Variants in MBTD1 observed in about 807,000 individuals in gnomAD.
MBTD1 encodes MBT domain-containing protein 1.
In MBTD1, 24 loss-of-function variants were observed where a neutral mutation model predicts 87.8. The ratio of observed to expected loss-of-function variants is 0.27; its 90% CI spans 0.20 to 0.38. The LOEUF (loss-of-function observed/expected upper bound fraction) is 0.38, where lower values mean the gene tolerates loss of function less well. Among genes scored for constraint, MBTD1 ranks in the 10% least tolerant of loss-of-function variants. MBTD1 has a pLI of 1.00. For missense variants in MBTD1, 436 were observed against 760.2 expected (o/e 0.57, Z 5.02); for synonymous variants, 237 against 248.6 (o/e 0.95, Z 0.44).
intron 2 of MBTD1, among the ~76,000 whole-genome samples, chr17:51,257,939 A>G (rs547642013): frequency 6.6e-6 from 1 of 152,044 alleles, no homozygotes; most frequent in East Asian, 1.9e-4. Flanking sequence ...TTTGCAAGGT[A>G]CTCACAAGCA....
intron 2 of MBTD1, among the ~76,000 whole-genome samples, chr17:51,240,253 A>G (rs898862105): frequency 2.0e-5 from 3 of 152,194 alleles, no homozygotes; most frequent in African/African-American, 7.2e-5. Flanking sequence ...TGAACATGCT[A>G]CAATAAATGA....
intron 2 of MBTD1, among the ~76,000 whole-genome samples, chr17:51,231,086 T>C (rs1386829189): frequency 2.0e-5 from 3 of 152,100 alleles, no homozygotes; most frequent in Non-Finnish European, 2.9e-5. Context: ...TACAGGCGCC[T>C]GCCACCACGC....
chr17:51,235,139 T>A (rs2053761292), intron 2 of MBTD1, among the ~76,000 whole-genome samples: 1 of 58,354 alleles, frequency 1.7e-5, no homozygotes, highest in African/African-American at 3.7e-5. Context: ...TAGGATGCAA[T>A]TTTTTTTTTC....
intron 1 of MBTD1, 44 bp downstream of exon 1, chr17:51,259,791 C>A: frequency 2.4e-6 from 3 of 1,232,502 alleles, no homozygotes; most frequent in Non-Finnish European, 3.0e-6. Context: ...TGCAGGCGTC[C>A]CCCCCACCTG....
intron 2 of MBTD1, among the ~76,000 whole-genome samples, chr17:51,247,088 T>C (rs1407851101): frequency 3.3e-5 from 5 of 152,212 alleles, no homozygotes; most frequent in African/African-American, 1.2e-4. Context: ...TGTGCATATG[T>C]GTGTATTCAT....
chr17:51,256,832 C>T (rs868033515), intron 2 of MBTD1: 2 of 152,270 alleles, frequency 1.3e-5, no homozygotes, highest in Middle Eastern at 3.4e-3. Context: ...CTTCAACTGC[C>T]ATGAGAAAAT....
chr17:51,260,666 G>C (rs1206710919), upstream of MBTD1: 1 of 1,612,034 alleles, frequency 6.2e-7, no homozygotes, highest in East Asian at 2.2e-5. Context: ...AATGAGGCCG[G>C]ACTGGAAAGC....
intron 7 of MBTD1, among the ~76,000 whole-genome samples, chr17:51,205,610 C>T (rs1245963414): frequency 6.6e-6 from 1 of 152,014 alleles, no homozygotes; most frequent in African/African-American, 2.4e-5. Flanking sequence ...GCAAGAGTAA[C>T]CCAAGGCACA....
chr17:51,196,056 T>C (rs532434842), intron 12 of MBTD1, among the ~76,000 whole-genome samples: 42 of 152,124 alleles, frequency 2.8e-4, no homozygotes, highest in African/African-American at 7.5e-4. Flanking sequence ...TACAGGTGCA[T>C]GCCATCACAC....
Position 51,201,580 on chromosome 17 carries a change from C to T in MBTD1, c.1224+12G>A, listed in dbSNP as rs766610665. On this transcript the variant is annotated intron_variant, in intron 12 of 16. Coordinates refer to ENST00000586178, the MANE Select transcript of MBTD1 (RefSeq NM_017643.3). Reference sequence around the variant, plus strand: ...TAATTGCATTTCTATATTTTAAAACCTATTATCTTACCTTTCTAATGGTTG... The same window carrying T: ...TAATTGCATTTCTATATTTTAAAACTTATTATCTTACCTTTCTAATGGTTG... 3.3e-6 allele frequency: 5 copies of T among 1,525,646 alleles called. No individual in the cohort carries two copies. Among genetic ancestry groups the T allele is most frequent in the African/African-American group, 1.4e-5 (1 of 72,444 alleles). The allele number at this position is 1,525,646 out of a possible 1,614,324, so 94.5% of individuals were successfully genotyped here.
intron 2 of MBTD1, among the ~76,000 whole-genome samples, 197 bp from the exon 3 acceptor site, chr17:51,225,406 T>C (rs1327506441): frequency 1.3e-5 from 2 of 151,628 alleles, no homozygotes; most frequent in Non-Finnish European, 1.5e-5. Flanking sequence ...CAGGCTGGAG[T>C]GCAGTGACAA....
At chr17:51,210,412 G>A (rs2052112257) in intron 6 of MBTD1, among the ~76,000 whole-genome samples, 1 of 152,140 alleles carries the variant, frequency 6.6e-6, no homozygotes, top group Non-Finnish European at 1.5e-5. Context: ...GTAAGATTAA[G>A]GCTGAGATAA....
chr17:51,178,619 C>CT lies in MBTD1; in HGVS notation c.*1956dup, dbSNP rs1447058294. The CT allele has an allele frequency of 6.6e-6, 1 of 152,142 alleles. No homozygotes were observed. 9.4% of individuals were successfully genotyped at this position (152,142 alleles called of 1,614,324 possible). A position where few individuals can be genotyped will look rare whatever the true frequency, so the allele number is the denominator to read the frequency against. ...CCTGAGAATAAAGACTGCTCTAACC[C>CT]TTGCTTTGGAATACTTCTAGGCTTT... On this transcript the variant is annotated 3_prime_UTR_variant, in exon 17 of 17. Transcript: ENST00000586178.
chr17:51,193,412 TG>T lies in MBTD1; in HGVS notation c.1455+15del, dbSNP rs759324417. On this transcript the variant is annotated intron_variant, in intron 14 of 16. Coordinates refer to ENST00000586178, the MANE Select transcript of MBTD1 (RefSeq NM_017643.3). Reference sequence around the variant, plus strand: ...TTAATAAGTCCTCACATAATTATGCTGCCATTTAAATTTACCTTATTAAATA... The same window carrying T: ...TTAATAAGTCCTCACATAATTATGCTCCATTTAAATTTACCTTATTAAATA... The T allele has an allele frequency of 1.3e-6, 2 of 1,572,044 alleles. No individual in the cohort carries two copies. The highest frequency in any genetic ancestry group is 1.7e-6 in the Non-Finnish European group (2 of 1,145,044).
intron 12 of MBTD1, among the ~76,000 whole-genome samples, chr17:51,198,760 T>C (rs2051286000): frequency 6.6e-6 from 1 of 152,186 alleles, no homozygotes; most frequent in African/African-American, 2.4e-5. Flanking sequence ...TTGACTGTGA[T>C]TCCGGTCATG....
chr17:51,260,126 C>T, upstream of MBTD1: 1 of 370,574 alleles, frequency 2.7e-6, no homozygotes, highest in Non-Finnish European at 4.8e-6. Context: ...ATACCCTCCT[C>T]TCTCGCTTCC....
intron 12 of MBTD1, among the ~76,000 whole-genome samples, chr17:51,200,661 C>T (rs1056607154): frequency 4.0e-5 from 6 of 150,052 alleles, no homozygotes; most frequent in Admixed American, 2.0e-4. Flanking sequence ...TCCAGGAATT[C>T]GAGACCAGCC....
At chr17:51,207,031 T>C (rs760922744) in intron 6 of MBTD1, 26 bp from the exon 7 acceptor site, 4 of 1,302,110 alleles carry the variant, frequency 3.1e-6, no homozygotes, top group African/African-American at 1.5e-5. Context: ...CATTAAATTA[T>C]TGTCTTATTA....
chr17:51,221,403 A>G (rs979971346), intron 3 of MBTD1, among the ~76,000 whole-genome samples: 3 of 152,252 alleles, frequency 2.0e-5, no homozygotes, highest in African/African-American at 7.2e-5. Flanking sequence ...ACTCTTGGCT[A>G]CTATTGCATA....
Sources: allele counts gnomAD v4.1 joint callset (sites outside exome capture counted in the v4.1 genomes callset), GRCh38; gene constraint gnomAD v4.1.1; transcripts MANE v1.5; gene names NCBI Gene and HGNC (gene_info 2026-07-23, HGNC 2026-07-21).